ERN2: variants seen among roughly 807,000 people sequenced by gnomAD.
ERN2 encodes the protein serine/threonine-protein kinase/endoribonuclease IRE2.
ERN2 carries 111 observed loss-of-function variants against 107.9 expected under a neutral mutation model. That is an observed-to-expected ratio of 1.03 (90% CI 0.88 to 1.20). The LOEUF is 1.20. Among genes scored for constraint, ERN2 ranks in the 50% most tolerant of loss-of-function variants. The pLI, the probability that ERN2 is intolerant of heterozygous loss-of-function variation, is 0.00. For missense variants in ERN2, 1,225 were observed against 1,197.9 expected, an observed-to-expected ratio of 1.02 and a Z score of -0.33; for synonymous variants, 524 against 501.7, an observed-to-expected ratio of 1.04 and a Z score of -0.59.
Position 23,706,497 on chromosome 16 carries a change from A to G in ERN2, c.488-66T>C, listed in dbSNP as rs1960320783. 10 of 1,255,810 alleles carry G rather than the reference A, an allele frequency of 8.0e-6. 1 individual carries two copies. In the Admixed American group the frequency reaches 1.6e-4, roughly 20 times the overall value. 77.8% of individuals were successfully genotyped at this position (1,255,810 alleles called of 1,614,324 possible). ...GATGCTCCCTCCAACCCCAGGGGCC[A>G]TTTATCTTGCAGGAGTGGGGGTTTC... is the stretch of plus-strand genomic sequence containing the variant. On this transcript the variant is annotated intron_variant, in intron 6 of 21. Coordinates refer to ENST00000256797, the MANE Select transcript of ERN2 (RefSeq NM_033266.4).
At chr16:23,701,612 T>C (rs1960066780) in intron 11 of ERN2, among the ~76,000 whole-genome samples, 1 of 151,954 alleles carries the variant, frequency 6.6e-6, no homozygotes, top group Non-Finnish European at 1.5e-5. Flanking sequence ...ATGTGACCTA[T>C]GTTTCATGAT....
rs373773481 is a variant in ERN2 at position 23,704,941 on chromosome 16, G to A, written c.796C>T (p.Pro266Ser). 17 of 1,613,626 alleles carry A rather than the reference G, an allele frequency of 1.1e-5. No individual in the cohort carries two copies. Among genetic ancestry groups the A allele is most frequent in the Non-Finnish European group, 1.4e-5 (17 of 1,180,048 alleles). ...LALRWGHIRL[P>S]ASGPRDTATL... ...GCTGTGTCCCGGGGGCCTGAGGCAG[G>A]CAGTCGGATGTGGCCCCAGCGGAGG... Residue 266 changes from proline (P) to serine (S), a missense_variant, in exon 8 of 22, where the codon CCT becomes TCT. Coordinates refer to ENST00000256797, the MANE Select transcript of ERN2 (RefSeq NM_033266.4).
In ERN2 at chr16:23,695,215, C is replaced by T. The variant is rs745962894; in HGVS notation, c.1785G>A (p.Arg595=). ...TGCAACTCACCTCCTGCAAGGAGGC[C>T]CGGCAGAGCTCCAGGGCAATGTAGT... ...QFHYIALELC[R]ASLQEYVENP... The change falls in exon 15 of 22, where the codon CGG becomes CGA. Residue 595 remains arginine, a synonymous_variant. Transcript: ENST00000256797. 1.2e-5 allele frequency: 19 copies of T among 1,614,002 alleles called. No homozygotes were observed. Among genetic ancestry groups the T allele is most frequent in the Non-Finnish European group, 1.6e-5 (19 of 1,180,006 alleles).
rs1959547441 is a variant in ERN2, at chr16:23,690,680, T to C, written c.*151A>G. 1.5e-6 allele frequency: 1 copy of C among 658,326 alleles called. No individual in the cohort carries two copies. Among genetic ancestry groups the C allele is most frequent in the South Asian group, 1.9e-5 (1 of 53,926 alleles). The allele number at this position is 658,326 out of a possible 1,614,324, so 40.8% of individuals were successfully genotyped here. A position where few individuals can be genotyped will look rare whatever the true frequency, so the allele number is the denominator to read the frequency against. ...CATGTTGGCCAGGCTGGTCTCGAACTCCTGAGCTCAAGTGATCCTCTCACT... is the reference window on the plus strand; with the variant it reads ...CATGTTGGCCAGGCTGGTCTCGAACCCCTGAGCTCAAGTGATCCTCTCACT... On this transcript the variant is annotated 3_prime_UTR_variant, in exon 22 of 22. Transcript: ENST00000256797.
intron 10 of ERN2, 58 bp downstream of exon 10, chr16:23,702,332 G>C (rs554107444): frequency 4.3e-6 from 7 of 1,611,376 alleles, no homozygotes; most frequent in African/African-American, 2.7e-5. Flanking sequence ...CAGCTCAGAA[G>C]CTGGGCTCAC....
In ERN2 at chr16:23,690,810, C is replaced by T. The variant is rs1290225185; in HGVS notation, c.*21G>A. 1.9e-6 allele frequency: 3 copies of T among 1,593,656 alleles called. No homozygotes were observed. Among genetic ancestry groups the T allele is most frequent in the Non-Finnish European group, 2.6e-6 (3 of 1,170,024 alleles). On this transcript the variant is annotated 3_prime_UTR_variant, in exon 22 of 22. Coordinates refer to ENST00000256797, the MANE Select transcript of ERN2 (RefSeq NM_033266.4). Reference sequence around the variant, plus strand: ...TTCAGTGAGCCAGCACGGAGACCATCTGTGTGGCATCCAGCCCACCTCACC... The same window carrying T: ...TTCAGTGAGCCAGCACGGAGACCATTTGTGTGGCATCCAGCCCACCTCACC...
intron 7 of ERN2, among the ~76,000 whole-genome samples, chr16:23,705,359 G>T (rs1960262535): frequency 6.6e-6 from 1 of 152,234 alleles, no homozygotes. Context: ...GTGGGAGTCA[G>T]TTTGGGTCAC....
intron 8 of ERN2, 26 bp downstream of exon 8, chr16:23,704,857 C>T (rs1025119780): frequency 5.6e-6 from 9 of 1,598,330 alleles, no homozygotes; most frequent in Non-Finnish European, 6.8e-6. Flanking sequence ...TGGCTCCCTC[C>T]CTGGGCCCCA....
rs1960305453 is a variant in ERN2, at chr16:23,706,322, G to T, written c.589+8C>A. 6.7e-7 allele frequency: 1 copy of T among 1,501,690 alleles called. No individual in the cohort carries two copies. 93.0% of individuals were successfully genotyped at this position (1,501,690 alleles called of 1,614,324 possible). ...TCCAAGATGGGACCAGAGAAAGGTG[G>T]AACTCACATTTCCCAGGTGAGCCAT... On this transcript the variant is annotated splice_region_variant and intron_variant, in intron 7 of 21. Transcript: ENST00000256797.
rs139772295 is a variant in ERN2, at chr16:23,695,317, T to A, written c.1683A>T (p.Glu561Asp). The change falls in exon 15 of 22, where the codon GAA becomes GAT. Residue 561 changes from glutamate (E) to aspartate (D), a missense_variant. Coordinates refer to ENST00000256797, the MANE Select transcript of ERN2 (RefSeq NM_033266.4). The stretch of plus-strand genomic sequence containing the variant: ...TGTCAGACTCCTGCAGCAGTTGAAC[T>A]TCCCGCCGAACCAGGCCAAAGCACT... ...LRECFGLVRR[E>D]VQLLQESDRH... is the part of the protein sequence containing the mutation. 1 of 1,613,188 alleles carries A rather than the reference T, an allele frequency of 6.2e-7. No homozygotes were observed. The highest frequency in any genetic ancestry group is 1.3e-5 in the African/African-American group (1 of 74,888).
At position 23,695,931 on chromosome 16, in the gene ERN2, C is replaced by G; in HGVS notation, c.1573G>C (p.Val525Leu). The change falls in exon 14 of 22, where the codon GTG becomes CTG. Residue 525 changes from valine (V) to leucine (L), a missense_variant. Physicochemically the swap from Val to Leu is conservative, Grantham distance 32. Transcript: ENST00000256797. ...GTCCCGCCTGCCCCGCGGCCCAGCACGTCCTTGGGATTGAAGGAAATCTTC... is the reference window on the plus strand; with the variant it reads ...GTCCCGCCTGCCCCGCGGCCCAGCAGGTCCTTGGGATTGAAGGAAATCTTC... ...VGKISFNPKD[V>L]LGRGAGGTFV... 6.2e-7 allele frequency: 1 copy of G among 1,614,094 alleles called. No homozygotes were observed. The highest frequency in any genetic ancestry group is 2.2e-5 in the East Asian group (1 of 44,888).
rs752825817 is a variant in ERN2, at chr16:23,692,301, A to G, written c.2131T>C (p.Cys711Arg). 2 of 1,613,882 alleles carry G rather than the reference A, an allele frequency of 1.2e-6. No individual in the cohort carries two copies. Among genetic ancestry groups the G allele is most frequent in the Middle Eastern group, 3.3e-4 (2 of 6,060 alleles). Residue 711 changes from cysteine to arginine, a missense_variant, in exon 18 of 22, where the codon TGC becomes CGC. Coordinates refer to ENST00000256797, the MANE Select transcript of ERN2 (RefSeq NM_033266.4). ...CCAGAAAGCACGTAGTAGAACACGCAGCCTGCAGAGAAGATGTCCACAGCG... is the reference window on the plus strand; with the variant it reads ...CCAGAAAGCACGTAGTAGAACACGCGGCCTGCAGAGAAGATGTCCACAGCG... The part of the protein sequence containing the change: ...TSAVDIFSAG[C>R]VFYYVLSGGS...
At chr16:23,712,669 C>T (rs965506993) in intron 1 of ERN2, 2 of 167,392 alleles carry the variant, frequency 1.2e-5, no homozygotes, top group Non-Finnish European at 2.5e-5. Flanking sequence ...GTAAGGGGAC[C>T]GTATTGTAAA....
chr16:23,706,739 TGG>T lies in ERN2; in HGVS notation c.487+13_487+14del. The T allele has an allele frequency of 6.4e-7, 1 of 1,565,296 alleles. No homozygotes were observed. The highest frequency in any genetic ancestry group is 8.8e-7 in the Non-Finnish European group (1 of 1,140,974). ...GGCTGCCCAGAGCTTGAGGAACAGC[TGG>T]GGCCCAACTCACGTGTTCGGCCAAT... On this transcript the variant is annotated intron_variant, in intron 6 of 21. Transcript: ENST00000256797.
At chr16:23,712,239 T>G (rs1345926136) in intron 1 of ERN2, 1 of 166,098 alleles carries the variant, frequency 6.0e-6, no homozygotes. Context: ...GAGAAGAGGC[T>G]GCAGATTGGT....
chr16:23,699,375 A>G (rs1959956909), intron 13 of ERN2, among the ~76,000 whole-genome samples: 1 of 152,138 alleles, frequency 6.6e-6, no homozygotes, highest in Non-Finnish European at 1.5e-5. Flanking sequence ...CACAAAGACA[A>G]CCAAAACCAT....
chr16:23,705,316 T>C (rs1960260340), intron 7 of ERN2, among the ~76,000 whole-genome samples, 169 bp from the exon 8 acceptor site: 2 of 152,114 alleles, frequency 1.3e-5, no homozygotes, highest in Admixed American at 6.5e-5. Context: ...AACGAGGCCA[T>C]CAGTCAGGGT....
At chr16:23,700,856 G>T in intron 12 of ERN2, 103 bp downstream of exon 12, 1 of 1,480,820 alleles carries the variant, frequency 6.8e-7, no homozygotes, top group Non-Finnish European at 9.1e-7. Flanking sequence ...GGAGGCAGGG[G>T]GCAAAATCAG....
At chr16:23,710,616 T>G in intron 2 of ERN2, 67 bp from the exon 3 acceptor site, 3 of 1,509,684 alleles carry the variant, frequency 2.0e-6, no homozygotes. Flanking sequence ...ACAGCTCATA[T>G]TCACTGAGCT....
Sources: gnomAD v4.1 joint callset for allele counts (sites outside exome capture counted in the v4.1 genomes callset) on GRCh38, gnomAD v4.1.1 for gene constraint, MANE v1.5 for transcripts, NCBI Gene and HGNC (gene_info 2026-07-23, HGNC 2026-07-21) for gene names.